Variants in DOT1L observed in about 807,000 individuals in gnomAD.
DOT1L encodes DOT1 like histone lysine methyltransferase.
In DOT1L, 33 loss-of-function variants were observed where a neutral mutation model predicts 153.3. That is an observed-to-expected ratio of 0.22 (90% CI 0.16 to 0.29). The LOEUF is 0.29. DOT1L is among the 10% of genes least tolerant of loss of function. DOT1L has a pLI of 1.00. For synonymous variants in DOT1L, 1,135 were observed against 965.1 expected (o/e 1.18, Z -3.26); for missense variants, 1,847 against 2,119.9 (o/e 0.87, Z 2.53).
Position 2,191,230 on chromosome 19 carries a change from C to A in DOT1L, c.483C>A (p.Asp161Glu), listed in dbSNP as rs2022779600. 6.2e-7 allele frequency: 1 copy of A among 1,613,640 alleles called. No individual in the cohort carries two copies. Among genetic ancestry groups the A allele is most frequent in the African/African-American group, 1.3e-5 (1 of 74,896 alleles). The stretch of plus-strand genomic sequence containing the variant: ...TGACCGACGACGACCTGTTTGTGGA[C>A]TTGGGGAGCGGTGAGTGTCGCCCGC... ...IKMTDDDLFVDLGSGVGQVVL... is the reference protein window; with the variant it reads ...IKMTDDDLFVELGSGVGQVVL... Residue 161 changes from aspartate (D) to glutamate (E), a missense_variant, in exon 5 of 28, where the codon GAC (aspartate) becomes GAA (glutamate). By Grantham distance (45) the Asp-to-Glu change is conservative. Coordinates refer to ENST00000398665, the MANE Select transcript of DOT1L (RefSeq NM_032482.3). The surrounding 1 kb of genome is among the most constrained non-coding windows in gnomAD (Gnocchi z 6.8).
At chr19:2,166,763 T>A (rs2019939187) in intron 1 of DOT1L, among the ~76,000 whole-genome samples, 2 of 152,206 alleles carry the variant, frequency 1.3e-5, no homozygotes, top group Non-Finnish European at 2.9e-5. Context: ...CGTAGTTCGC[T>A]GGTTGCAGGG....
chr19:2,228,356 C>G (rs777994689), intron 27 of DOT1L: 1 of 1,315,732 alleles, frequency 7.6e-7, no homozygotes, highest in South Asian at 1.2e-5. Context: ...AAAGACCTTG[C>G]TTAGCTAGCA....
At position 2,207,318 on chromosome 19, in the gene DOT1L, C is replaced by T. The variant is rs1450039103; in HGVS notation, c.857-256C>T. On this transcript the variant is annotated intron_variant, in intron 10 of 27. Transcript: ENST00000398665. This position sits in a 1 kb window ranked among gnomAD's most constrained non-coding sequence, Gnocchi z 4.5. ...GATCTAAGTCGCTTCCAGATCTTCT[C>T]CCCCTCCTTTTCCATTCCACTCAGC... 6.6e-6 allele frequency among the ~76,000 whole-genome samples: 1 copy of T among 152,224 alleles called. No homozygotes were observed. Among genetic ancestry groups the T allele is most frequent in the Admixed American group, 6.5e-5 (1 of 15,286 alleles).
chr19:2,166,014 C>T (rs1270808215), intron 1 of DOT1L, among the ~76,000 whole-genome samples: 1 of 152,148 alleles, frequency 6.6e-6, no homozygotes, highest in Non-Finnish European at 1.5e-5. Flanking sequence ...TCGTGATCCA[C>T]CCACCTCGGC....
At chr19:2,188,480 G>GCCCCCCCC (rs375314788) in intron 3 of DOT1L, among the ~76,000 whole-genome samples, 7 of 66,998 alleles carry the variant, frequency 1.0e-4, no homozygotes, top group Admixed American at 1.6e-4. Flanking sequence ...CCCAGCCGCC[G>GCCCCCCCC]CCCCCCCCCC....
At chr19:2,179,510 A>G (rs570447909) in intron 1 of DOT1L, among the ~76,000 whole-genome samples, 5 of 152,312 alleles carry the variant, frequency 3.3e-5, no homozygotes, top group African/African-American at 1.2e-4. Flanking sequence ...TCATTTTTAT[A>G]AAAAAGACAT....
chr19:2,201,399 C>T (rs763068649), intron 8 of DOT1L, among the ~76,000 whole-genome samples: 4 of 152,188 alleles, frequency 2.6e-5, no homozygotes, highest in Non-Finnish European at 4.4e-5. Context: ...CCATGCCTCT[C>T]GTCCTCCCCG....
rs758529483 is a variant in DOT1L, at chr19:2,231,771, CTG to C, written c.*1981_*1982del. The C allele has an allele frequency of 9.3e-5, 20 of 214,436 alleles. No individual in the cohort carries two copies. Among genetic ancestry groups the C allele is most frequent in the East Asian group, 2.8e-4 (4 of 14,444 alleles). The allele number at this position is 214,436 out of a possible 1,614,324, so 13.3% of individuals were successfully genotyped here. ...TAGAACAAGACACATTCTTTAAACACTGTATTACTTCTGCCTCCCTCTAGGTG... is the reference window on the plus strand; with the variant it reads ...TAGAACAAGACACATTCTTTAAACACTATTACTTCTGCCTCCCTCTAGGTG... On this transcript the variant is annotated 3_prime_UTR_variant, in exon 28 of 28. Transcript: ENST00000398665.
At chr19:2,194,369 C>T (rs1171888264) in intron 6 of DOT1L, 146 bp from the exon 7 acceptor site, 17 of 794,306 alleles carry the variant, frequency 2.1e-5, no homozygotes, top group Non-Finnish European at 3.4e-5. Flanking sequence ...GACGGGGTTT[C>T]ACCGTGTTAG....
intron 27 of DOT1L, chr19:2,227,772 C>A: frequency 7.6e-7 from 1 of 1,320,128 alleles, no homozygotes; most frequent in Admixed American, 2.2e-5. Flanking sequence ...CGCCTCTGCT[C>A]ATCCGTTTGG....
At chr19:2,188,058 C>A (rs1369512661) in intron 3 of DOT1L, 1 of 152,202 alleles carries the variant, frequency 6.6e-6, no homozygotes, top group East Asian at 1.9e-4. Flanking sequence ...GCCCTCTGCA[C>A]CACCTGGGCT....
chr19:2,186,914 C>G (rs1035564104), intron 3 of DOT1L, among the ~76,000 whole-genome samples: 6 of 152,234 alleles, frequency 3.9e-5, no homozygotes, highest in African/African-American at 1.4e-4. Context: ...GCGTGCAGAT[C>G]AACAGCCGCA....
rs1434774032 is a variant in DOT1L at position 2,207,365 on chromosome 19, G to A, written c.857-209G>A. 6.6e-6 allele frequency among the ~76,000 whole-genome samples: 1 copy of A among 152,202 alleles called. No homozygotes were observed. Among genetic ancestry groups the A allele is most frequent in the African/African-American group, 2.4e-5 (1 of 41,448 alleles). On this transcript the variant is annotated intron_variant, in intron 10 of 27. Coordinates refer to ENST00000398665, the MANE Select transcript of DOT1L (RefSeq NM_032482.3). This position sits in a 1 kb window ranked among gnomAD's most constrained non-coding sequence, Gnocchi z 4.5. The stretch of plus-strand genomic sequence containing the variant: ...CAGCTGGGTTTGTGGCTGTTTTTCT[G>A]AGGTTGGAGGGGCCCAGGCCAGGTG...
At chr19:2,215,928 G>A (rs2023880936) in intron 19 of DOT1L, 1 of 219,786 alleles carries the variant, frequency 4.5e-6, no homozygotes, top group South Asian at 1.5e-4. Context: ...AGCGCCCGGG[G>A]AAGCTGCCAC....
rs752871683 is a variant in DOT1L, at chr19:2,208,849, G to T, written c.964-86G>T. Reference sequence around the variant, plus strand: ...GAACAGCCTCCCCAGCCACTGTCCAGGTTGCTGTTGTTACCTGGGTGTCCA... The same window carrying T: ...GAACAGCCTCCCCAGCCACTGTCCATGTTGCTGTTGTTACCTGGGTGTCCA... On this transcript the variant is annotated intron_variant, in intron 11 of 27. Transcript: ENST00000398665. The surrounding 1 kb of genome is among the most constrained non-coding windows in gnomAD (Gnocchi z 4.4). 3.6e-5 allele frequency: 50 copies of T among 1,400,554 alleles called. No individual in the cohort carries two copies. The highest frequency in any genetic ancestry group is 4.2e-5 in the Non-Finnish European group (42 of 1,004,962). The allele number at this position is 1,400,554 out of a possible 1,614,324, so 86.8% of individuals were successfully genotyped here. A position where few individuals can be genotyped will look rare whatever the true frequency, so the allele number is the denominator to read the frequency against.
Position 2,197,441 on chromosome 19 carries a change from G to C in DOT1L, c.652-2443G>C, listed in dbSNP as rs1487735694. ...GGCGCCATGGTGCCTTCCTCCGCGC[G>C]GTCTGGCTGGGCTGAGCCTTGCTCA... On this transcript the variant is annotated intron_variant, in intron 7 of 27. Coordinates refer to ENST00000398665, the MANE Select transcript of DOT1L (RefSeq NM_032482.3). This position sits in a 1 kb window ranked among gnomAD's most constrained non-coding sequence, Gnocchi z 4.1. Among the ~76,000 whole-genome samples the C allele has an allele frequency of 6.6e-6, 1 of 152,202 alleles. No homozygotes were observed. The highest frequency in any genetic ancestry group is 1.5e-5 in the Non-Finnish European group (1 of 68,038).
At chr19:2,167,461 C>A (rs926880720) in intron 1 of DOT1L, among the ~76,000 whole-genome samples, 17 of 152,306 alleles carry the variant, frequency 1.1e-4, no homozygotes, top group African/African-American at 3.9e-4. Context: ...CGAGAGCTGG[C>A]GGGAGCGGGC....
chr19:2,171,150 G>A (rs1599529144), intron 1 of DOT1L, among the ~76,000 whole-genome samples: 1 of 152,144 alleles, frequency 6.6e-6, no homozygotes, highest in Admixed American at 6.5e-5. Flanking sequence ...TTTTGGTGGG[G>A]CCTTGCTGTG....
intron 8 of DOT1L, 51 bp downstream of exon 8, chr19:2,199,990 G>C (rs550352132): frequency 1.9e-6 from 3 of 1,600,556 alleles, no homozygotes; most frequent in African/African-American, 1.3e-5. Flanking sequence ...GCTCACAGGC[G>C]GGCGGTGGCC....
Sources: allele counts gnomAD v4.1 joint callset (sites outside exome capture counted in the v4.1 genomes callset), GRCh38; gene constraint gnomAD v4.1.1; non-coding constraint Gnocchi (gnomAD v3.1); transcripts MANE v1.5; gene names NCBI Gene and HGNC (gene_info 2026-07-23, HGNC 2026-07-21).